The following OTOGL variants were observed in gnomAD, a reference collection of about 807,000 sequenced individuals.
OTOGL encodes otogelin-like protein.
OTOGL carries 285 observed loss-of-function variants against 318.5 expected under a neutral mutation model. That is an observed-to-expected ratio of 0.89 (90% confidence interval 0.81 to 0.99). OTOGL has a LOEUF of 0.99. Among genes scored for constraint, OTOGL ranks in the 50% least tolerant of loss-of-function variants. The probability of loss-of-function intolerance (pLI) is 0.00; values close to 1 mark genes in which losing one functional copy is unlikely to be tolerated. For missense variants in OTOGL, 2,899 were observed against 2,845.6 expected (o/e 1.02, Z -0.43); for synonymous variants, 987 against 936.5 (o/e 1.05, Z -0.99).
At chr12:80,252,906 A>C (rs1199847226) in intron 13 of OTOGL, among the ~76,000 whole-genome samples, 1 of 152,212 alleles carries the variant, frequency 6.6e-6, no homozygotes, top group Admixed American at 6.5e-5. Flanking sequence ...AAGCCCAAGC[A>C]CCAAAATAAA....
intron 57 of OTOGL, among the ~76,000 whole-genome samples, chr12:80,372,645 A>C (rs1890947094): frequency 6.6e-6 from 1 of 152,048 alleles, no homozygotes; most frequent in South Asian, 2.1e-4. Flanking sequence ...ATCTGAATGC[A>C]ATATATTTTT....
intron 1 of OTOGL, among the ~76,000 whole-genome samples, chr12:80,134,736 A>G (rs187091448): frequency 6.6e-6 from 1 of 152,272 alleles, no homozygotes; most frequent in Admixed American, 6.5e-5. Context: ...CTTCACTGCT[A>G]TCTGCCTTAA....
At chr12:80,145,440 A>C (rs1220118726) in intron 1 of OTOGL, among the ~76,000 whole-genome samples, 1 of 152,190 alleles carries the variant, frequency 6.6e-6, no homozygotes, top group East Asian at 1.9e-4. Flanking sequence ...TACCAGTACC[A>C]TGCTGTTTTG....
At chr12:80,123,785 C>T (rs1236943586) in intron 1 of OTOGL, among the ~76,000 whole-genome samples, 3 of 152,098 alleles carry the variant, frequency 2.0e-5, no homozygotes, top group Non-Finnish European at 4.4e-5. Flanking sequence ...TCTCTGATGG[C>T]CAGTGATGAT....
At chr12:80,236,028 AGAGT>A (rs1879817098) in intron 9 of OTOGL, among the ~76,000 whole-genome samples, 1 of 152,184 alleles carries the variant, frequency 6.6e-6, no homozygotes, top group South Asian at 2.1e-4. Context: ...ATCTTTAGAG[AGAGT>A]GAGTTTGATT....
intron 52 of OTOGL, 123 bp downstream of exon 52, chr12:80,359,023 A>T: frequency 1.2e-6 from 1 of 803,392 alleles, no homozygotes; most frequent in South Asian, 1.9e-5. Context: ...ATTGTACTAA[A>T]GTAGATTAAA....
intron 1 of OTOGL, among the ~76,000 whole-genome samples, chr12:80,125,684 G>A (rs1267066362): frequency 6.6e-6 from 1 of 152,026 alleles, no homozygotes; most frequent in Admixed American, 6.6e-5. Context: ...TTTTTTGGTT[G>A]GTAAGCTATT....
chr12:80,342,055 T>A lies in OTOGL; in HGVS notation c.5158T>A (p.Ser1720Thr), dbSNP rs774307089. Residue 1720 changes from serine (S) to threonine (T), a missense_variant, in exon 44 of 59, where the codon TCA (serine) becomes ACA (threonine). Physicochemically the swap from Ser to Thr is moderately conservative, Grantham distance 58. Around this residue, in one of 3 missense-constraint regions of OTOGL, gnomAD observed 2,607 missense variants for 2,524.9 expected, o/e 1.03. Coordinates refer to ENST00000547103, the MANE Select transcript of OTOGL (RefSeq NM_001378609.3). The part of the protein sequence containing the change: ...LFIESWEIEK[S>T]FEVTMRRPVR... ...TATTGAGAGCTGGGAAATTGAGAAATCATTTGAAGTAACAATGAGAAGACC... is the reference window on the plus strand; with the variant it reads ...TATTGAGAGCTGGGAAATTGAGAAAACATTTGAAGTAACAATGAGAAGACC... The A allele has an allele frequency of 2.8e-5, 45 of 1,607,662 alleles. No individual in the cohort carries two copies. Among genetic ancestry groups the A allele is most frequent in the Non-Finnish European group, 3.5e-5 (41 of 1,176,274 alleles).
Position 80,356,787 on chromosome 12 carries a change from A to C in OTOGL, c.5912-20A>C. 6.8e-7 allele frequency: 1 copy of C among 1,469,286 alleles called. No homozygotes were observed. Among genetic ancestry groups the C allele is most frequent in the Non-Finnish European group, 9.3e-7 (1 of 1,071,268 alleles). 91.0% of individuals were successfully genotyped at this position (1,469,286 alleles called of 1,614,324 possible). On this transcript the variant is annotated intron_variant, in intron 48 of 58. Transcript: ENST00000547103. ...TTTATTATGCTATACAAATTTTCTA[A>C]TGTAATTTTGTTTCTGCAGAATGTG...
chr12:80,252,126 C>A lies in OTOGL; in HGVS notation c.1210C>A (p.Pro404Thr), dbSNP rs1271949862. ...FVHRDCISCC[P>T]PTCTFEKQCL... ...CCATCGGGACTGTATCAGTTGTTGT[C>A]CACCAACCTGCACATTTGAGAAGCA... The change falls in exon 13 of 59, where the codon CCA becomes ACA. Residue 404 changes from proline (P) to threonine (T), a missense_variant. Around this residue, in one of 3 missense-constraint regions of OTOGL, gnomAD observed 2,607 missense variants for 2,524.9 expected, o/e 1.03. Transcript: ENST00000547103. 1.3e-6 allele frequency: 2 copies of A among 1,568,022 alleles called. No homozygotes were observed. The highest frequency in any genetic ancestry group is 1.3e-5 in the African/African-American group (1 of 74,078).
intron 26 of OTOGL, among the ~76,000 whole-genome samples, chr12:80,279,612 G>A (rs1466936882): frequency 6.6e-6 from 1 of 151,480 alleles, no homozygotes; most frequent in Non-Finnish European, 1.5e-5. Flanking sequence ...CCATGTTGCT[G>A]CAAAAGACAT....
At chr12:80,222,961 T>G (rs978843190) in intron 7 of OTOGL, among the ~76,000 whole-genome samples, 1 of 116,488 alleles carries the variant, frequency 8.6e-6, no homozygotes, top group African/African-American at 5.6e-5. Flanking sequence ...ACATGTTGAT[T>G]TCTGAGATTT....
At chr12:80,285,324 T>C (rs1884533310) in intron 26 of OTOGL, among the ~76,000 whole-genome samples, 14 of 152,160 alleles carry the variant, frequency 9.2e-5, no homozygotes, top group Admixed American at 9.2e-4. Flanking sequence ...TGTCTCCAGC[T>C]TTGTTCCTTT....
intron 11 of OTOGL, among the ~76,000 whole-genome samples, chr12:80,246,224 C>T (rs1489201816): frequency 6.7e-6 from 1 of 149,418 alleles, no homozygotes; most frequent in Non-Finnish European, 1.5e-5. Flanking sequence ...TGAGAGAGAG[C>T]ATCCCTGTCT....
intron 1 of OTOGL, among the ~76,000 whole-genome samples, chr12:80,201,871 T>C (rs1220036333): frequency 6.6e-6 from 1 of 152,224 alleles, no homozygotes; most frequent in Non-Finnish European, 1.5e-5. Context: ...GGCATATCTA[T>C]AATTCTATGT....
intron 4 of OTOGL, among the ~76,000 whole-genome samples, chr12:80,216,259 A>G (rs1462109521): frequency 6.6e-6 from 1 of 152,202 alleles, no homozygotes; most frequent in African/African-American, 2.4e-5. Context: ...CTGCTGAGAA[A>G]CAACTCTGTT....
chr12:80,128,059 C>G (rs1252335723), intron 1 of OTOGL, among the ~76,000 whole-genome samples: 1 of 152,238 alleles, frequency 6.6e-6, no homozygotes, highest in East Asian at 1.9e-4. Context: ...CATTTTCCAT[C>G]CAGCTTTGTT....
At chr12:80,263,697 A>T (rs1530840) in intron 19 of OTOGL, among the ~76,000 whole-genome samples, 107,754 of 151,542 alleles carry the variant, frequency 0.71, 40,571 homozygotes, top group East Asian at 0.94. Context: ...ATTTTTTTTT[A>T]AAAAAATTCA....
At chr12:80,194,434 A>T (rs1875904379) in intron 1 of OTOGL, among the ~76,000 whole-genome samples, 1 of 152,208 alleles carries the variant, frequency 6.6e-6, no homozygotes, top group African/African-American at 2.4e-5. Context: ...CTAATTGCAA[A>T]TTTAAATCAC....
Sources: gnomAD v4.1 joint callset for allele counts (sites outside exome capture counted in the v4.1 genomes callset) on GRCh38, gnomAD v4.1.1 for gene constraint, gnomAD v4.1.1 regional missense constraint, MANE v1.5 for transcripts, NCBI Gene and HGNC (gene_info 2026-07-23, HGNC 2026-07-21) for gene names.